LPIN2: variants seen among roughly 807,000 people sequenced by gnomAD.
LPIN2 encodes phosphatidate phosphatase LPIN2.
LPIN2 carries 55 observed loss-of-function variants against 111.4 expected under a neutral mutation model. That is an observed-to-expected ratio of 0.49 (90% CI 0.40 to 0.62). The LOEUF (loss-of-function observed/expected upper bound fraction) is 0.62, where lower values mean the gene tolerates loss of function less well. Ranked by LOEUF, LPIN2 falls within the 20% of genes least tolerant of loss-of-function variation. The probability of loss-of-function intolerance (pLI) is 0.00; values close to 1 mark genes in which losing one functional copy is unlikely to be tolerated. For synonymous variants in LPIN2, 425 were observed against 414.0 expected (o/e 1.03, Z -0.32); for missense variants, 992 against 1,112.1 (o/e 0.89, Z 1.54).
At chr18:2,949,954 A>G (rs1194951945) in intron 4 of LPIN2, among the ~76,000 whole-genome samples, 1 of 152,058 alleles carries the variant, frequency 6.6e-6, no homozygotes, top group Non-Finnish European at 1.5e-5. Context: ...TTTAAAAACT[A>G]GCTGGGTGTA....
At chr18:2,945,894 A>T in intron 4 of LPIN2, 1 of 1,429,234 alleles carries the variant, frequency 7.0e-7, no homozygotes, top group Non-Finnish European at 9.9e-7. Flanking sequence ...TTTAGTCCAC[A>T]TGTTTCTCTT....
At chr18:3,009,189 G>A (rs1012332721) in intron 1 of LPIN2, among the ~76,000 whole-genome samples, 2 of 148,332 alleles carry the variant, frequency 1.3e-5, no homozygotes, top group African/African-American at 5.0e-5. Context: ...CACGAGGTCA[G>A]GAGATCAACA....
Position 2,959,538 on chromosome 18 carries a change from A to C in LPIN2, c.192+1111T>G, listed in dbSNP as rs969141856. Among the ~76,000 whole-genome samples the C allele has an allele frequency of 8.5e-5, 13 of 152,328 alleles. No homozygotes were observed. In the East Asian group the frequency reaches 2.3e-3, roughly 27 times the overall value. On this transcript the variant is annotated intron_variant, in intron 2 of 19. Transcript: ENST00000677752. ...AAGCCTTTCTATGTTATTTAAGTAG[A>C]TACTGCGAGGCAAGAATAGAAAGAG... is the stretch of plus-strand genomic sequence containing the variant.
intron 1 of LPIN2, among the ~76,000 whole-genome samples, chr18:2,995,189 G>A (rs2143443353): frequency 1.2e-5 from 1 of 86,460 alleles, no homozygotes; most frequent in Non-Finnish European, 3.0e-5. Context: ...GAACTGAATA[G>A]TTCCAAGACC....
chr18:2,926,496 C>T (rs1598525138), intron 13 of LPIN2, among the ~76,000 whole-genome samples: 3 of 152,320 alleles, frequency 2.0e-5, no homozygotes, highest in African/African-American at 4.8e-5. Context: ...CCTTCCCATA[C>T]GCTGGCGCCA....
At chr18:2,976,539 A>C (rs2078019785) in intron 1 of LPIN2, among the ~76,000 whole-genome samples, 1 of 152,242 alleles carries the variant, frequency 6.6e-6, no homozygotes, top group Non-Finnish European at 1.5e-5. Context: ...TGGAATCGTA[A>C]GCCTGTCATT....
chr18:2,998,026 A>T (rs1026679023), intron 1 of LPIN2, among the ~76,000 whole-genome samples: 1 of 152,252 alleles, frequency 6.6e-6, no homozygotes, highest in Non-Finnish European at 1.5e-5. Flanking sequence ...TGTTCTGCAG[A>T]GGAGTCTTTC....
At position 2,937,954 on chromosome 18, in the gene LPIN2, G is replaced by A. The variant is rs149368648; in HGVS notation, c.906C>T (p.Pro302=). 2 of 1,613,988 alleles carry A rather than the reference G, an allele frequency of 1.2e-6. No individual in the cohort carries two copies. Among genetic ancestry groups the A allele is most frequent in the South Asian group, 1.1e-5 (1 of 91,082 alleles). Residue 302 remains proline (P), a synonymous_variant, in exon 7 of 20, where the codon CCC becomes CCT. Transcript: ENST00000677752. ...PSENTHFRVI[P]SEDNLISEVE... is the part of the protein sequence containing the mutation. ...CTTCACTGATGAGGTTGTCCTCACTGGGAATTACCCGAAAATGAGTATTTT... is the reference window on the plus strand; with the variant it reads ...CTTCACTGATGAGGTTGTCCTCACTAGGAATTACCCGAAAATGAGTATTTT...
rs1372076816 is a variant in LPIN2, at chr18:2,923,795, C to G, written c.2154G>C (p.Lys718Asn). ...CCTACTCATTGATGGAATGGTAGAG[C>G]TTTGCTATACCCTGGTGGGTCCAGT... ...GKDWTHQGIAKLYHSINENGY... is the reference protein window; with the variant it reads ...GKDWTHQGIANLYHSINENGY... The change falls in exon 16 of 20, where the codon AAG (lysine) becomes AAC (asparagine). Residue 718 changes from lysine (K) to asparagine (N), a missense_variant. Lys to Asn is a moderately conservative substitution (Grantham distance 94). Transcript: ENST00000677752. 6.2e-7 allele frequency: 1 copy of G among 1,614,030 alleles called. No individual in the cohort carries two copies. The highest frequency in any genetic ancestry group is 2.2e-5 in the East Asian group (1 of 44,900).
At position 2,945,811 on chromosome 18, in the gene LPIN2, C is replaced by A. The variant is rs531587582; in HGVS notation, c.591-5099G>T. The A allele has an allele frequency of 4.2e-6, 6 of 1,426,996 alleles. No homozygotes were observed. In the African/African-American group the frequency reaches 8.6e-5, roughly 20 times the overall value. The allele number at this position is 1,426,996 out of a possible 1,614,324, so 88.4% of individuals were successfully genotyped here. The stretch of plus-strand genomic sequence containing the variant: ...TCTGGAAGTGAATTTTTAGCCTATA[C>A]TGAAATGGTAACTTCACCTCCAGTC... On this transcript the variant is annotated intron_variant, in intron 4 of 19. Transcript: ENST00000677752.
At chr18:2,988,832 A>G (rs981588197) in intron 1 of LPIN2, among the ~76,000 whole-genome samples, 5 of 152,196 alleles carry the variant, frequency 3.3e-5, no homozygotes, top group African/African-American at 1.2e-4. Context: ...GTGACATTTC[A>G]TTTTATTTTT....
chr18:2,924,602 T>C, intron 14 of LPIN2, 56 bp from the exon 15 acceptor site: 1 of 1,584,166 alleles, frequency 6.3e-7, no homozygotes, highest in Non-Finnish European at 8.7e-7. Context: ...TTTGAAACGA[T>C]TTAAAAATTT....
At chr18:2,956,506 G>A (rs1257770789) in intron 2 of LPIN2, among the ~76,000 whole-genome samples, 1 of 152,202 alleles carries the variant, frequency 6.6e-6, no homozygotes, top group Non-Finnish European at 1.5e-5. Flanking sequence ...TGCCAGAGCT[G>A]AGGCAGGGAA....
chr18:2,996,931 G>A (rs552180575), intron 1 of LPIN2, among the ~76,000 whole-genome samples: 5 of 152,242 alleles, frequency 3.3e-5, no homozygotes, highest in Admixed American at 6.5e-5. Context: ...TGCATAAGAG[G>A]TGCCAGAATC....
chr18:2,919,994 A>G lies in LPIN2; in HGVS notation c.*299T>C. 2.0e-6 allele frequency: 1 copy of G among 488,032 alleles called. No homozygotes were observed. The highest frequency in any genetic ancestry group is 3.8e-6 in the Non-Finnish European group (1 of 266,068). The allele number at this position is 488,032 out of a possible 1,614,324, so 30.2% of individuals were successfully genotyped here. A position where few individuals can be genotyped will look rare whatever the true frequency, so the allele number is the denominator to read the frequency against. On this transcript the variant is annotated 3_prime_UTR_variant, in exon 20 of 20. Transcript: ENST00000677752. The stretch of plus-strand genomic sequence containing the variant: ...TTAGCTGCTTTTTTCTTCCTTTAAA[A>G]TGATGCAATGGAAGGAGGCCCCAGC...
chr18:2,987,183 A>G (rs1168578462), intron 1 of LPIN2, among the ~76,000 whole-genome samples: 1 of 152,190 alleles, frequency 6.6e-6, no homozygotes, highest in Non-Finnish European at 1.5e-5. Context: ...AAATTTTAAA[A>G]CACTAAATAA....
At position 2,930,170 on chromosome 18, in the gene LPIN2, G is replaced by T. The variant is rs370690430; in HGVS notation, c.1457-1012C>A. 1.2e-4 allele frequency among the ~76,000 whole-genome samples: 18 copies of T among 152,220 alleles called. No homozygotes were observed. In the East Asian group the frequency reaches 2.9e-3, roughly 24 times the overall value. ...ATGTGTGTATTACTTACATTTACTT[G>T]TCATTTCTGCCTCTTCCAATAAACT... On this transcript the variant is annotated intron_variant, in intron 9 of 19. Coordinates refer to ENST00000677752, the MANE Select transcript of LPIN2 (RefSeq NM_001375808.2).
chr18:3,001,750 A>G (rs2078438916), intron 1 of LPIN2, among the ~76,000 whole-genome samples: 1 of 152,200 alleles, frequency 6.6e-6, no homozygotes, highest in East Asian at 1.9e-4. Flanking sequence ...TTTTCATAAT[A>G]AACCTCACAG....
chr18:3,002,258 A>AC (rs2078445980), intron 1 of LPIN2, among the ~76,000 whole-genome samples: 1 of 109,204 alleles, frequency 9.2e-6, no homozygotes, highest in African/African-American at 3.1e-5. Flanking sequence ...AAAAAAAAAA[A>AC]CCCACCATAA....
Sources: gnomAD v4.1 joint callset for allele counts (sites outside exome capture counted in the v4.1 genomes callset) on GRCh38, gnomAD v4.1.1 for gene constraint, MANE v1.5 for transcripts, NCBI Gene and HGNC (gene_info 2026-07-23, HGNC 2026-07-21) for gene names.